Variants in SERPINB7 observed in about 807,000 individuals in gnomAD.
The protein encoded by SERPINB7 is serpin B7.
Under a neutral mutation model 37.4 loss-of-function variants are expected in SERPINB7, and 31 were observed. The observed-to-expected ratio is 0.83, with a 90% CI of 0.62 to 1.12. The LOEUF (loss-of-function observed/expected upper bound fraction) is 1.12. Ranked by LOEUF, SERPINB7 falls within the 50% of genes most tolerant of loss-of-function variation. The pLI, the probability that SERPINB7 is intolerant of heterozygous loss-of-function variation, is 0.00. For synonymous variants in SERPINB7, 163 were observed against 166.1 expected, an observed-to-expected ratio of 0.98 and a Z score of 0.14; for missense variants, 521 against 455.3, an observed-to-expected ratio of 1.14 and a Z score of -1.31.
chr18:63,792,340 T>C, intron 2 of SERPINB7, 53 bp from the exon 3 acceptor site: 1 of 1,290,800 alleles, frequency 7.7e-7, no homozygotes, highest in Non-Finnish European at 1.1e-6. Flanking sequence ...TCTTGCAAAC[T>C]GTTCTCGTAA....
intron 1 of SERPINB7, among the ~76,000 whole-genome samples, chr18:63,776,691 C>T (rs777146837): frequency 3.3e-5 from 5 of 149,916 alleles, no homozygotes; most frequent in Admixed American, 6.7e-5. Context: ...AGAAGTGGGT[C>T]CCAATGGACG....
intron 7 of SERPINB7, among the ~76,000 whole-genome samples, chr18:63,801,818 T>C (rs2049552785): frequency 6.6e-6 from 1 of 152,200 alleles, no homozygotes; most frequent in African/African-American, 2.4e-5. Context: ...TCTTAGGTTC[T>C]ACAATAGTGA....
At chr18:63,754,657 T>C (rs1490387039) in intron 1 of SERPINB7, among the ~76,000 whole-genome samples, 1 of 152,168 alleles carries the variant, frequency 6.6e-6, no homozygotes, top group Non-Finnish European at 1.5e-5. Context: ...CAGCAGACCT[T>C]GCTAGTCTCT....
At chr18:63,769,177 G>C (rs2144592790) in intron 1 of SERPINB7, among the ~76,000 whole-genome samples, 1 of 152,190 alleles carries the variant, frequency 6.6e-6, no homozygotes. Context: ...AGCTCTTAAA[G>C]AGAGATGAAC....
At chr18:63,796,413 A>G in intron 5 of SERPINB7, 30 bp downstream of exon 5, 1 of 1,268,592 alleles carries the variant, frequency 7.9e-7, no homozygotes, top group African/African-American at 1.5e-5. Flanking sequence ...ATTTTTCTAC[A>G]AGATTTGTCA....
At chr18:63,758,761 C>A (rs187996698) in intron 1 of SERPINB7, among the ~76,000 whole-genome samples, 1 of 152,290 alleles carries the variant, frequency 6.6e-6, no homozygotes, top group East Asian at 1.9e-4. Flanking sequence ...TAGCCCTCTA[C>A]CCCCTCACCA....
intron 4 of SERPINB7, among the ~76,000 whole-genome samples, chr18:63,794,457 G>A (rs1447944382): frequency 1.3e-5 from 2 of 152,056 alleles, no homozygotes; most frequent in Admixed American, 6.6e-5. Flanking sequence ...TTGGGAGGCC[G>A]AGGCGGGCGG....
intron 4 of SERPINB7, among the ~76,000 whole-genome samples, chr18:63,793,952 C>T (rs1434602483): frequency 6.6e-6 from 1 of 151,592 alleles, no homozygotes; most frequent in Non-Finnish European, 1.5e-5. Flanking sequence ...TTCTCTCTCT[C>T]TCTCTCTTTT....
intron 4 of SERPINB7, among the ~76,000 whole-genome samples, chr18:63,795,432 G>A (rs912316667): frequency 1.3e-5 from 2 of 151,886 alleles, no homozygotes; most frequent in Non-Finnish European, 2.9e-5. Context: ...GTGGTGGCAG[G>A]CACCTGTAAT....
At chr18:63,764,541 G>A (rs12969816) in intron 1 of SERPINB7, among the ~76,000 whole-genome samples, 4,863 of 152,156 alleles carry the variant, frequency 0.032, 96 homozygotes, top group Middle Eastern at 0.12. Flanking sequence ...CAGGTGACTC[G>A]ATGTGTTTTT....
chr18:63,799,380 C>A (rs1179966741), intron 6 of SERPINB7, among the ~76,000 whole-genome samples: 1 of 152,208 alleles, frequency 6.6e-6, no homozygotes, highest in Non-Finnish European at 1.5e-5. Context: ...CCCTGCCTTG[C>A]TTCACAGAAG....
At chr18:63,767,805 T>A (rs1039592880) in intron 1 of SERPINB7, among the ~76,000 whole-genome samples, 12 of 152,066 alleles carry the variant, frequency 7.9e-5, no homozygotes, top group Non-Finnish European at 1.8e-4. Context: ...GACTTGAGAT[T>A]TCTATTTTTG....
intron 6 of SERPINB7, among the ~76,000 whole-genome samples, chr18:63,800,641 G>A (rs1182839361): frequency 6.6e-6 from 1 of 152,038 alleles, no homozygotes; most frequent in Non-Finnish European, 1.5e-5. Context: ...CTCACCCAAG[G>A]TCACATAGTT....
chr18:63,784,215 G>C (rs537279131), intron 2 of SERPINB7, among the ~76,000 whole-genome samples: 36 of 152,278 alleles, frequency 2.4e-4, no homozygotes, highest in African/African-American at 8.7e-4. Flanking sequence ...TCAAACTCAG[G>C]ATGATCTTCT....
chr18:63,763,293 C>T (rs1040656107), intron 1 of SERPINB7, among the ~76,000 whole-genome samples: 11 of 152,126 alleles, frequency 7.2e-5, no homozygotes, highest in African/African-American at 2.7e-4. Flanking sequence ...AAATACTATG[C>T]TAACCAATGG....
At chr18:63,789,800 C>T (rs2049408232) in intron 2 of SERPINB7, among the ~76,000 whole-genome samples, 1 of 152,206 alleles carries the variant, frequency 6.6e-6, no homozygotes, top group South Asian at 2.1e-4. Context: ...CTTTCATCAT[C>T]TTTTCTTTAT....
At chr18:63,795,629 A>T (rs1426249176) in intron 4 of SERPINB7, among the ~76,000 whole-genome samples, 1 of 151,994 alleles carries the variant, frequency 6.6e-6, no homozygotes, top group African/African-American at 2.4e-5. Flanking sequence ...CCTAGAGAAG[A>T]TATCTGTCCA....
At chr18:63,753,718 T>A (rs2049104978) in intron 1 of SERPINB7, among the ~76,000 whole-genome samples, 1 of 152,236 alleles carries the variant, frequency 6.6e-6, no homozygotes. Context: ...TGGACATTCC[T>A]TGTTGATTAT....
chr18:63,793,307 C>G, intron 4 of SERPINB7, 30 bp downstream of exon 4: 2 of 1,151,956 alleles, frequency 1.7e-6, no homozygotes, highest in South Asian at 1.3e-5. Flanking sequence ...TTAGAAGGAC[C>G]TGAATCTTGT....
Sources: allele counts gnomAD v4.1 joint callset (sites outside exome capture counted in the v4.1 genomes callset), GRCh38; gene constraint gnomAD v4.1.1; transcripts MANE v1.5; gene names NCBI Gene and HGNC (gene_info 2026-07-23, HGNC 2026-07-21).